The following SORCS1 variants were observed in gnomAD, a reference collection of about 807,000 sequenced individuals.
SORCS1 encodes the protein sortilin related VPS10 domain containing receptor 1.
In SORCS1, 60 loss-of-function variants were observed where a neutral mutation model predicts 146.1. That is an observed-to-expected ratio of 0.41 (90% CI 0.33 to 0.51). The LOEUF (loss-of-function observed/expected upper bound fraction) is 0.51, where lower values mean the gene tolerates loss of function less well. Among genes scored for constraint, SORCS1 ranks in the 20% least tolerant of loss-of-function variants. The pLI is 0.21. For missense variants in SORCS1, 1,352 were observed against 1,487.6 expected (o/e 0.91, Z 1.50); for synonymous variants, 637 against 584.0 (o/e 1.09, Z -1.31).
At chr10:107,144,870 A>G (rs1283452251) in intron 1 of SORCS1, among the ~76,000 whole-genome samples, 1 of 152,240 alleles carries the variant, frequency 6.6e-6, no homozygotes, top group Non-Finnish European at 1.5e-5. Context: ...CATTTTTTAC[A>G]GGATTATAAG....
At chr10:106,873,654 T>C (rs572592904) in intron 2 of SORCS1, among the ~76,000 whole-genome samples, 12 of 152,338 alleles carry the variant, frequency 7.9e-5, no homozygotes, top group Non-Finnish European at 1.8e-4. Context: ...TAGATGCCTA[T>C]TTTTCAAACT....
intron 1 of SORCS1, among the ~76,000 whole-genome samples, chr10:106,991,224 C>CAGCACGTGTTCT (rs1956759055): frequency 1.3e-5 from 2 of 152,214 alleles, no homozygotes; most frequent in Non-Finnish European, 2.9e-5. Flanking sequence ...AGTGCCTATT[C>CAGCACGTGTTCT]AGCACGTGTT....
chr10:106,654,369 A>G (rs971760925), intron 17 of SORCS1, among the ~76,000 whole-genome samples: 2 of 152,198 alleles, frequency 1.3e-5, no homozygotes, highest in African/African-American at 4.8e-5. Context: ...GACCTAGACA[A>G]TTTGTCTCTA....
chr10:106,978,112 G>A (rs903025241), intron 1 of SORCS1, among the ~76,000 whole-genome samples: 1 of 152,038 alleles, frequency 6.6e-6, no homozygotes, highest in African/African-American at 2.4e-5. Context: ...TCCGGCTGTT[G>A]TTTTGTATTT....
chr10:106,628,289 T>A (rs1848226167), intron 19 of SORCS1, among the ~76,000 whole-genome samples: 1 of 152,128 alleles, frequency 6.6e-6, no homozygotes, highest in Admixed American at 6.5e-5. Context: ...AAAAAGAAAA[T>A]GTTCTAATTG....
intron 1 of SORCS1, among the ~76,000 whole-genome samples, chr10:107,021,924 G>C (rs1958164692): frequency 6.6e-6 from 1 of 152,178 alleles, no homozygotes; most frequent in Admixed American, 6.5e-5. Flanking sequence ...ATAAGATGTA[G>C]TGATTTAAAA....
intron 1 of SORCS1, among the ~76,000 whole-genome samples, chr10:107,086,342 C>T (rs1005991256): frequency 3.3e-5 from 5 of 152,182 alleles, no homozygotes; most frequent in South Asian, 4.1e-4. Context: ...AGGTTGGGGG[C>T]GGATACCTAA....
rs550727305 is a variant in SORCS1, at chr10:106,938,933, A to G, written c.626+17580T>C. ...AAAAGTATAGTCTCCATGTTGTGAC[A>G]TTAATTTGTTAAGTTTTGAAGAGAG... On this transcript the variant is annotated intron_variant, in intron 2 of 25. Coordinates refer to ENST00000263054, the MANE Select transcript of SORCS1 (RefSeq NM_052918.5). 2.0e-5 allele frequency among the ~76,000 whole-genome samples: 3 copies of G among 152,336 alleles called. No individual in the cohort carries two copies. The South Asian group carries it at 6.2e-4, about 32-fold the overall frequency.
At chr10:107,132,263 T>C (rs1966913367) in intron 1 of SORCS1, among the ~76,000 whole-genome samples, 1 of 148,350 alleles carries the variant, frequency 6.7e-6, no homozygotes, top group African/African-American at 2.6e-5. Context: ...ACCCAAGCTT[T>C]AGCTATGAAT....
chr10:107,175,995 T>C, the SORCS1 span, among the ~76,000 whole-genome samples: 1 of 152,196 alleles, frequency 6.6e-6, no homozygotes, highest in Admixed American at 6.5e-5. Context: ...ATTTGAGTTA[T>C]TCTTTTGTAT....
chr10:107,111,523 AC>A (rs953636127), intron 1 of SORCS1, among the ~76,000 whole-genome samples: 106 of 152,298 alleles, frequency 7.0e-4, no homozygotes, highest in African/African-American at 2.5e-3. Flanking sequence ...CAAGTCCAGG[AC>A]CAAAAAGATA....
chr10:106,994,976 G>A (rs192072647), intron 1 of SORCS1, among the ~76,000 whole-genome samples: 11 of 152,158 alleles, frequency 7.2e-5, no homozygotes, highest in Non-Finnish European at 1.2e-4. Context: ...ACTGAACGTC[G>A]GAAAATAAAA....
chr10:107,141,628 A>C (rs992855473), intron 1 of SORCS1, among the ~76,000 whole-genome samples: 1 of 152,188 alleles, frequency 6.6e-6, no homozygotes, highest in Non-Finnish European at 1.5e-5. Flanking sequence ...TGCAGTGGTA[A>C]CGGGCATGGG....
chr10:107,109,919 G>GGGT (rs1268747213), intron 1 of SORCS1, among the ~76,000 whole-genome samples: 1 of 152,180 alleles, frequency 6.6e-6, no homozygotes, highest in Non-Finnish European at 1.5e-5. Context: ...TCTTCTGCCA[G>GGGT]ATACCCTAGG....
intron 1 of SORCS1, among the ~76,000 whole-genome samples, chr10:107,116,627 G>T (rs1025260716): frequency 6.6e-6 from 1 of 152,112 alleles, no homozygotes; most frequent in African/African-American, 2.4e-5. Context: ...CATAGAAACA[G>T]GAAGTTACCA....
intron 1 of SORCS1, among the ~76,000 whole-genome samples, chr10:107,143,631 G>A (rs987309918): frequency 1.3e-5 from 2 of 152,078 alleles, no homozygotes; most frequent in Non-Finnish European, 2.9e-5. Context: ...AGCCTCCTGA[G>A]TAGCTGGGAT....
intron 1 of SORCS1, among the ~76,000 whole-genome samples, chr10:106,974,213 T>G (rs1057508477): frequency 4.6e-5 from 7 of 152,198 alleles, no homozygotes. Flanking sequence ...AAACAATGAG[T>G]TCTATGCTCT....
chr10:106,875,920 G>A (rs911041308), intron 2 of SORCS1, among the ~76,000 whole-genome samples: 14 of 152,092 alleles, frequency 9.2e-5, no homozygotes, highest in South Asian at 2.1e-4. Flanking sequence ...AGGGACTTAT[G>A]CTAGGAGTCA....
chr10:106,810,600 T>C (rs1947407295), intron 3 of SORCS1, among the ~76,000 whole-genome samples: 1 of 152,220 alleles, frequency 6.6e-6, no homozygotes, highest in South Asian at 2.1e-4. Context: ...CAAATGTCTT[T>C]GAATACACCA....
Sources: gnomAD v4.1 joint callset for allele counts (sites outside exome capture counted in the v4.1 genomes callset) on GRCh38, gnomAD v4.1.1 for gene constraint, MANE v1.5 for transcripts, NCBI Gene and HGNC (gene_info 2026-07-23, HGNC 2026-07-21) for gene names.